The following RNF17 variants were observed in gnomAD, a reference collection of about 807,000 sequenced individuals.
RNF17 encodes the protein ring finger protein 17.
RNF17 carries 31 observed loss-of-function variants against 200.5 expected under a neutral mutation model. The observed-to-expected ratio is 0.15, with a 90% CI of 0.12 to 0.21. The LOEUF is 0.21. Among genes scored for constraint, RNF17 ranks in the 10% least tolerant of loss-of-function variants. The pLI is 1.00. For missense variants in RNF17, 1,628 were observed against 1,905.1 expected (o/e 0.85, Z 2.71); for synonymous variants, 606 against 637.8 (o/e 0.95, Z 0.75).
chr13:24,762,167 T>G (rs1221304479), upstream of RNF17, among the ~76,000 whole-genome samples: 2 of 151,948 alleles, frequency 1.3e-5, no homozygotes, highest in Non-Finnish European at 2.9e-5. Context: ...CTCAGGAGTT[T>G]GAGAGCAGCC....
At chr13:24,869,175 C>T (rs61947496) in intron 31 of RNF17, among the ~76,000 whole-genome samples, 53,038 of 151,986 alleles carry the variant, frequency 0.35, 9,896 homozygotes, top group Admixed American at 0.43. Flanking sequence ...ATACTAGGCA[C>T]CCGGTGAATA....
At chr13:24,772,770 C>T (rs1222868824) in intron 2 of RNF17, among the ~76,000 whole-genome samples, 1 of 152,016 alleles carries the variant, frequency 6.6e-6, no homozygotes, top group East Asian at 1.9e-4. Context: ...ACCACCACGC[C>T]CAGCTAATTT....
Position 24,796,148 on chromosome 13 carries a change from C to A in RNF17, c.1252C>A (p.Leu418Ile). ...ACATTTTTATCCAGGTTCTGCAGAG[C>A]TAGTTTTTGTAAGCCATGTAATAGA... ...IEDNVESSAE[L>I]VFVSHVIDPC... Residue 418 changes from leucine (L) to isoleucine (I), a missense_variant, in exon 11 of 36, where the codon CTA (leucine) becomes ATA (isoleucine). Leu to Ile is a conservative substitution (Grantham distance 5). Around this residue, in one of 5 missense-constraint regions of RNF17, gnomAD observed 502 missense variants for 501.7 expected, o/e 1.00. Transcript: ENST00000255324. 1.2e-6 allele frequency: 2 copies of A among 1,603,984 alleles called. No homozygotes were observed. Among genetic ancestry groups the A allele is most frequent in the Non-Finnish European group, 1.7e-6 (2 of 1,175,756 alleles).
chr13:24,752,627 TG>T, the RNF17 span, among the ~76,000 whole-genome samples: 1 of 152,260 alleles, frequency 6.6e-6, no homozygotes, highest in Non-Finnish European at 1.5e-5. Flanking sequence ...GGATGTCATT[TG>T]GAGGAACATA....
At chr13:24,884,140 G>C, downstream of RNF17, 6 of 1,540,988 alleles carry the variant, frequency 3.9e-6, no homozygotes, top group Non-Finnish European at 5.4e-6. Flanking sequence ...AATTTAATGA[G>C]AGGGTGGAGC....
At chr13:24,798,722 A>G (rs759171378) in intron 11 of RNF17, among the ~76,000 whole-genome samples, 1 of 151,652 alleles carries the variant, frequency 6.6e-6, no homozygotes, top group Non-Finnish European at 1.5e-5. Flanking sequence ...AACACAGAAC[A>G]TTTCTGAGCT....
downstream of RNF17, chr13:24,884,078 G>C: frequency 1.9e-6 from 3 of 1,592,032 alleles, no homozygotes; most frequent in Non-Finnish European, 2.6e-6. Context: ...TCTGGGTAAT[G>C]TTTTTCTGTT....
At chr13:24,779,839 C>G in intron 5 of RNF17, 92 bp downstream of exon 5, 1 of 943,080 alleles carries the variant, frequency 1.1e-6, no homozygotes. Flanking sequence ...GAGGTTAGAG[C>G]TTAGCACTGA....
rs548597219 is a variant in RNF17 at position 24,766,236 on chromosome 13, A to G, written c.131-1036A>G. Among the ~76,000 whole-genome samples the G allele has an allele frequency of 1.8e-4, 28 of 152,380 alleles. 1 individual carries two copies. In the South Asian group the frequency reaches 3.5e-3, roughly 19 times the overall value. On this transcript the variant is annotated intron_variant, in intron 1 of 35. Transcript: ENST00000255324. ...AATGGATGAATAAATAAATAAATAA[A>G]ATTAATGCGATTATAATTCAGCAAG...
chr13:24,858,575 G>GATATATATATATATATAT (rs397770900), intron 25 of RNF17, among the ~76,000 whole-genome samples: 8,948 of 142,446 alleles, frequency 0.063, 418 homozygotes, highest in Non-Finnish European at 0.088. Flanking sequence ...ATCAGTTATG[G>GATATATATATATATATAT]ATATATATAT....
At chr13:24,806,738 G>A (rs568013687) in intron 15 of RNF17, among the ~76,000 whole-genome samples, 82 of 151,082 alleles carry the variant, frequency 5.4e-4, no homozygotes, top group African/African-American at 1.8e-3. Flanking sequence ...ATGCTGGTGC[G>A]CTGCACCCAC....
Position 24,789,719 on chromosome 13 carries a change from GATC to G in RNF17, c.886_888del (p.Ile296del). ...ATAGGTTGAGTGTGAATTGCAGTGAGATCATCTGTATGTTCAACAATATGGGAA... is the reference window on the plus strand; with the variant it reads ...ATAGGTTGAGTGTGAATTGCAGTGAGATCTGTATGTTCAACAATATGGGAA... On this transcript the variant is annotated inframe_deletion, in exon 9 of 36. Transcript: ENST00000255324. 1 of 1,597,522 alleles carries G rather than the reference GATC, an allele frequency of 6.3e-7. No individual in the cohort carries two copies. Among genetic ancestry groups the G allele is most frequent in the Non-Finnish European group, 8.6e-7 (1 of 1,165,568 alleles).
chr13:24,849,040 C>T (rs77749040), intron 22 of RNF17, among the ~76,000 whole-genome samples: 9 of 152,160 alleles, frequency 5.9e-5, no homozygotes, highest in Non-Finnish European at 1.0e-4. Context: ...ATTGACCAGG[C>T]GAAGCTGAGT....
At chr13:24,873,824 C>T (rs1489571157) in intron 32 of RNF17, among the ~76,000 whole-genome samples, 2 of 152,122 alleles carry the variant, frequency 1.3e-5, no homozygotes, top group Non-Finnish European at 2.9e-5. Context: ...ATTTGTCTTT[C>T]TGTGCTTGTC....
intron 11 of RNF17, among the ~76,000 whole-genome samples, chr13:24,798,778 C>A (rs1884906719): frequency 6.6e-6 from 1 of 151,754 alleles, no homozygotes; most frequent in South Asian, 2.1e-4. Flanking sequence ...TTTGTTTGAT[C>A]TTCTTTTTTC....
intron 10 of RNF17, chr13:24,794,121 GT>G (rs1038275098): frequency 3.4e-5 from 15 of 437,910 alleles, no homozygotes; most frequent in African/African-American, 3.1e-4. Flanking sequence ...AACATAGTTA[GT>G]ACAAGTTGTC....
intron 25 of RNF17, among the ~76,000 whole-genome samples, chr13:24,857,652 A>G (rs995228121): frequency 3.9e-5 from 6 of 152,226 alleles, no homozygotes; most frequent in Non-Finnish European, 5.9e-5. Flanking sequence ...CTGTAATCTC[A>G]GCACTTCAGG....
intron 28 of RNF17, 67 bp downstream of exon 28, chr13:24,862,860 A>G (rs1047478435): frequency 2.0e-5 from 19 of 958,344 alleles, no homozygotes; most frequent in Non-Finnish European, 2.5e-5. Context: ...ACATAATTTG[A>G]GGGATATTTT....
intron 22 of RNF17, among the ~76,000 whole-genome samples, chr13:24,846,636 GGAA>G (rs1891284865): frequency 6.6e-6 from 1 of 152,060 alleles, no homozygotes. Context: ...GGGCCACATT[GGAA>G]GAAGAATTAT....
Sources: gnomAD v4.1 joint callset for allele counts (sites outside exome capture counted in the v4.1 genomes callset) on GRCh38, gnomAD v4.1.1 for gene constraint, gnomAD v4.1.1 regional missense constraint, MANE v1.5 for transcripts, NCBI Gene and HGNC (gene_info 2026-07-23, HGNC 2026-07-21) for gene names.